ZDHHC14: variants seen among roughly 807,000 people sequenced by gnomAD.
The protein encoded by ZDHHC14 is zDHHC palmitoyltransferase 14, also known as palmitoyltransferase ZDHHC14.
A neutral mutation model predicts 47.7 loss-of-function variants in ZDHHC14; 16 were observed. The ratio of observed to expected loss-of-function variants is 0.34; its 90% CI spans 0.23 to 0.51. The LOEUF is 0.51. ZDHHC14 is among the 20% of genes least tolerant of loss of function. The probability of loss-of-function intolerance (pLI) is 0.97; values close to 1 mark genes in which losing one functional copy is unlikely to be tolerated. For synonymous variants in ZDHHC14, 293 were observed against 278.9 expected, an observed-to-expected ratio of 1.05 and a Z score of -0.50; for missense variants, 515 against 662.5, an observed-to-expected ratio of 0.78 and a Z score of 2.44.
chr6:157,464,526 G>C (rs1779162255), intron 1 of ZDHHC14, among the ~76,000 whole-genome samples: 1 of 152,146 alleles, frequency 6.6e-6, no homozygotes, highest in African/African-American at 2.4e-5. Flanking sequence ...GGTTACTTGT[G>C]CTCTTCAAAT....
At chr6:157,666,242 T>G (rs771546259) in intron 8 of ZDHHC14, among the ~76,000 whole-genome samples, 1 of 152,248 alleles carries the variant, frequency 6.6e-6, no homozygotes, top group Non-Finnish European at 1.5e-5. Context: ...AGTAACATGG[T>G]ACATAATTGC....
At chr6:157,405,953 A>C (rs887029995) in intron 1 of ZDHHC14, among the ~76,000 whole-genome samples, 1 of 152,034 alleles carries the variant, frequency 6.6e-6, no homozygotes, top group African/African-American at 2.4e-5. Context: ...CCCATCCCCC[A>C]CCCCTGCTCG....
At chr6:157,628,578 C>A (rs1392342411) in intron 4 of ZDHHC14, 92 bp downstream of exon 4, 3 of 1,508,472 alleles carry the variant, frequency 2.0e-6, no homozygotes, top group East Asian at 2.3e-5. Flanking sequence ...TTGGTCATTT[C>A]GGGCTTTCTC....
chr6:157,390,685 T>C (rs944642750), intron 1 of ZDHHC14, among the ~76,000 whole-genome samples: 12 of 152,182 alleles, frequency 7.9e-5, no homozygotes, highest in Non-Finnish European at 1.6e-4. Flanking sequence ...TAATTTTTGA[T>C]ATCTTTTTTT....
intron 5 of ZDHHC14, among the ~76,000 whole-genome samples, chr6:157,633,783 G>T (rs1444696220): frequency 2.6e-5 from 4 of 152,144 alleles, no homozygotes; most frequent in African/African-American, 4.8e-5. Context: ...CTCCCAAGTA[G>T]CTGGGATTAC....
rs185509870 is a variant in ZDHHC14 at position 157,579,071 on chromosome 6, A to G, written c.407-13917A>G. ...TATTCTGGCTCTTTTTTAGTTCTAT[A>G]TGAATTTTAAAATAGTTTTTGAATT... On this transcript the variant is annotated intron_variant, in intron 2 of 8. Coordinates refer to ENST00000359775, the MANE Select transcript of ZDHHC14 (RefSeq NM_024630.3). Among the ~76,000 whole-genome samples, 393 of 151,424 alleles carry G rather than the reference A, an allele frequency of 2.6e-3. 3 individuals carry two copies. The highest frequency in any genetic ancestry group is 9.2e-3 in the African/African-American group (380 of 41,272).
chr6:157,620,287 C>G (rs1785136245), intron 3 of ZDHHC14, among the ~76,000 whole-genome samples: 1 of 152,164 alleles, frequency 6.6e-6, no homozygotes, highest in Admixed American at 6.5e-5. Flanking sequence ...CATGCTGGCT[C>G]AGGTCTCCCT....
chr6:157,452,690 A>ATTTTTTTTTTTTTT (rs747862336), intron 1 of ZDHHC14, among the ~76,000 whole-genome samples: 4 of 72,960 alleles, frequency 5.5e-5, no homozygotes, highest in African/African-American at 5.7e-5. Context: ...ATACATGGGG[A>ATTTTTTTTTTTTTT]TTTTTTTTTT....
chr6:157,551,756 T>A (rs938356528), intron 2 of ZDHHC14, among the ~76,000 whole-genome samples: 12 of 152,196 alleles, frequency 7.9e-5, no homozygotes, highest in African/African-American at 2.7e-4. Context: ...AGCTACAAGT[T>A]CCTCTACTTT....
chr6:157,629,750 T>A (rs796236566), intron 4 of ZDHHC14: 1 of 152,276 alleles, frequency 6.6e-6, no homozygotes, highest in African/African-American at 2.4e-5. Context: ...ACACCCGCCT[T>A]TTCCACATCA....
intron 1 of ZDHHC14, among the ~76,000 whole-genome samples, chr6:157,484,314 TACACA>T (rs1779713622): frequency 1.9e-5 from 2 of 104,096 alleles, no homozygotes; most frequent in Admixed American, 2.4e-4. Flanking sequence ...TACATATATA[TACACA>T]TATATATACG....
At chr6:157,414,032 G>C (rs2114761189) in intron 1 of ZDHHC14, among the ~76,000 whole-genome samples, 1 of 152,254 alleles carries the variant, frequency 6.6e-6, no homozygotes, top group Admixed American at 6.5e-5. Context: ...CAACTCCTGG[G>C]TTCAAGCGAT....
At chr6:157,514,854 G>T (rs1048721178) in intron 1 of ZDHHC14, among the ~76,000 whole-genome samples, 3 of 152,184 alleles carry the variant, frequency 2.0e-5, no homozygotes, top group African/African-American at 7.2e-5. Flanking sequence ...GGGGTGCTTG[G>T]GGCCTGGGTC....
At position 157,672,920 on chromosome 6, in the gene ZDHHC14, C is replaced by T. The variant is rs766179022; in HGVS notation, c.1265C>T (p.Thr422Met). The T allele has an allele frequency of 1.6e-5, 25 of 1,602,674 alleles. No homozygotes were observed. Among genetic ancestry groups the T allele is most frequent in the Non-Finnish European group, 2.0e-5 (23 of 1,176,586 alleles). Residue 422 changes from threonine to methionine, a missense_variant, in exon 9 of 9, where the codon ACG becomes ATG. By Grantham distance (81) the Thr-to-Met change is moderately conservative. Coordinates refer to ENST00000359775, the MANE Select transcript of ZDHHC14 (RefSeq NM_024630.3). ...PASMPNLAEA[T>M]LADVMPRKDE... Reference sequence around the variant, plus strand: ...TCCATGCCCAACCTCGCCGAGGCCACGCTCGCGGACGTGATGCCCCGGAAA... The same window carrying T: ...TCCATGCCCAACCTCGCCGAGGCCATGCTCGCGGACGTGATGCCCCGGAAA...
In ZDHHC14 at chr6:157,649,331, G is replaced by C. The variant is rs116931540; in HGVS notation, c.965+1963G>C. Reference sequence around the variant, plus strand: ...GCAGAGCAAGACAAATAAGACATTTGCTTTGTTAAAGTGGGGCCGTAGCTT... The same window carrying C: ...GCAGAGCAAGACAAATAAGACATTTCCTTTGTTAAAGTGGGGCCGTAGCTT... On this transcript the variant is annotated intron_variant, in intron 7 of 8. Coordinates refer to ENST00000359775, the MANE Select transcript of ZDHHC14 (RefSeq NM_024630.3). Among the ~76,000 whole-genome samples, 106 of 152,322 alleles carry C rather than the reference G, an allele frequency of 7.0e-4. 2 individuals are homozygous for C. In the East Asian group the frequency reaches 0.018, roughly 25 times the overall value.
chr6:157,592,943 G>A, intron 2 of ZDHHC14, 45 bp from the exon 3 acceptor site: 1 of 1,558,412 alleles, frequency 6.4e-7, no homozygotes, highest in Middle Eastern at 1.7e-4. Context: ...CCGAGGCAGA[G>A]GGAGGCTCTG....
chr6:157,453,788 T>TTG (rs371025248), intron 1 of ZDHHC14, among the ~76,000 whole-genome samples: 34,589 of 148,052 alleles, frequency 0.23, 4,179 homozygotes, highest in East Asian at 0.37. Flanking sequence ...TTTTTGTGTT[T>TTG]TGTGTGTGTG....
In ZDHHC14 at chr6:157,675,100, C is replaced by T. The variant is rs1778948813; in HGVS notation, c.*1978C>T. 6.6e-6 allele frequency: 1 copy of T among 152,288 alleles called. No individual in the cohort carries two copies. The highest frequency in any genetic ancestry group is 1.9e-4 in the East Asian group (1 of 5,196). 9.4% of individuals were successfully genotyped at this position (152,288 alleles called of 1,614,324 possible). On this transcript the variant is annotated 3_prime_UTR_variant, in exon 9 of 9. Coordinates refer to ENST00000359775, the MANE Select transcript of ZDHHC14 (RefSeq NM_024630.3). ...AACCGTCTCTGCTCCTTGCTTTCTT[C>T]CACCTGCTCCCCAGAGGCCCCAGGA...
At chr6:157,386,034 C>G (rs976600029) in intron 1 of ZDHHC14, among the ~76,000 whole-genome samples, 1 of 152,036 alleles carries the variant, frequency 6.6e-6, no homozygotes, top group Non-Finnish European at 1.5e-5. Flanking sequence ...ATACTGTGTA[C>G]CAGTGTTTGG....
Sources: gnomAD v4.1 joint callset for allele counts (sites outside exome capture counted in the v4.1 genomes callset) on GRCh38, gnomAD v4.1.1 for gene constraint, MANE v1.5 for transcripts, NCBI Gene and HGNC (gene_info 2026-07-23, HGNC 2026-07-21) for gene names.